Variants in SLC39A11 observed in about 807,000 individuals in gnomAD.
SLC39A11 encodes solute carrier family 39 member 11.
In SLC39A11, 33 loss-of-function variants were observed where a neutral mutation model predicts 36.1. The ratio of observed to expected loss-of-function variants is 0.91; its 90% CI spans 0.69 to 1.22. The LOEUF (loss-of-function observed/expected upper bound fraction) is 1.22, where lower values mean the gene tolerates loss of function less well. SLC39A11 is among the 50% of genes most tolerant of loss of function. The pLI is 0.00. For synonymous variants in SLC39A11, 166 were observed against 170.3 expected, an observed-to-expected ratio of 0.97 and a Z score of 0.20; for missense variants, 432 against 430.3, an observed-to-expected ratio of 1.00 and a Z score of -0.03.
At chr17:72,974,400 T>G (rs1269298919) in intron 4 of SLC39A11, among the ~76,000 whole-genome samples, 1 of 137,148 alleles carries the variant, frequency 7.3e-6, no homozygotes, top group Admixed American at 8.0e-5. Flanking sequence ...ACACCCGGCC[T>G]AATGTTTGCA....
chr17:72,653,701 A>T (rs2069975793), intron 7 of SLC39A11, among the ~76,000 whole-genome samples: 1 of 152,122 alleles, frequency 6.6e-6, no homozygotes, highest in African/African-American at 2.4e-5. Context: ...CGGCCTCCCA[A>T]AGTGCGGGAT....
chr17:72,909,738 T>C (rs1054218717), intron 5 of SLC39A11, among the ~76,000 whole-genome samples: 43 of 99,414 alleles, frequency 4.3e-4, no homozygotes, highest in East Asian at 2.5e-3. Flanking sequence ...TTCTTTCTTT[T>C]TTTTCTTTTT....
chr17:72,945,220 C>T (rs989161563), intron 5 of SLC39A11, among the ~76,000 whole-genome samples: 11 of 152,186 alleles, frequency 7.2e-5, no homozygotes, highest in African/African-American at 2.2e-4. Context: ...CTCATAAATG[C>T]TTTTCCCAGC....
chr17:72,841,061 T>C (rs2078785150), intron 6 of SLC39A11, among the ~76,000 whole-genome samples: 1 of 151,776 alleles, frequency 6.6e-6, no homozygotes, highest in African/African-American at 2.4e-5. Context: ...TCTCAAAAAA[T>C]AAAAAATAAA....
intron 6 of SLC39A11, among the ~76,000 whole-genome samples, chr17:72,791,221 G>C (rs561191048): frequency 6.6e-6 from 1 of 152,168 alleles, no homozygotes; most frequent in Non-Finnish European, 1.5e-5. Context: ...TCGGGAGGCC[G>C]AGGTGGGCAG....
chr17:72,923,371 C>T (rs2083817325), intron 5 of SLC39A11, among the ~76,000 whole-genome samples: 1 of 152,100 alleles, frequency 6.6e-6, no homozygotes, highest in African/African-American at 2.4e-5. Context: ...CTCAGAATTA[C>T]AATGCATATG....
Position 73,023,165 on chromosome 17 carries a change from C to T in SLC39A11, c.306+8391G>A, listed in dbSNP as rs564627743. ...CAGGGAAGCGACCACTGGTTCAGAA[C>T]GCCCAGTGCCCAACTAACAGCTGAG... On this transcript the variant is annotated intron_variant, in intron 4 of 9. Coordinates refer to ENST00000255559, the MANE Select transcript of SLC39A11 (RefSeq NM_139177.4). Among the ~76,000 whole-genome samples, 17 of 152,160 alleles carry T rather than the reference C, an allele frequency of 1.1e-4. No individual in the cohort carries two copies. The East Asian group carries it at 2.5e-3, about 23-fold the overall frequency.
At chr17:72,689,268 A>G (rs1019747292) in intron 7 of SLC39A11, among the ~76,000 whole-genome samples, 10 of 152,220 alleles carry the variant, frequency 6.6e-5, no homozygotes, top group Non-Finnish European at 1.5e-4. Context: ...CAAGATAGGG[A>G]GGAGGATTTG....
At chr17:72,753,628 G>A (rs1364341895) in intron 6 of SLC39A11, among the ~76,000 whole-genome samples, 2 of 151,886 alleles carry the variant, frequency 1.3e-5, no homozygotes, top group Non-Finnish European at 2.9e-5. Context: ...ACTTACTTCA[G>A]TCCCTTTTTT....
At chr17:72,754,020 G>GTATATATATATATATATATGTA in intron 6 of SLC39A11, among the ~76,000 whole-genome samples, 1 of 108,354 alleles carries the variant, frequency 9.2e-6, no homozygotes, top group East Asian at 2.7e-4. Flanking sequence ...ATGTATATAT[G>GTATATATATATATATATATGTA]TATATATATA....
chr17:72,810,620 T>C (rs1598831305), intron 6 of SLC39A11, among the ~76,000 whole-genome samples: 2 of 152,202 alleles, frequency 1.3e-5, no homozygotes, highest in Admixed American at 6.5e-5. Context: ...TCAGGAATGC[T>C]TCTGAGTTGC....
intron 6 of SLC39A11, among the ~76,000 whole-genome samples, chr17:72,754,309 G>A (rs890758606): frequency 6.6e-6 from 1 of 151,956 alleles, no homozygotes; most frequent in South Asian, 2.1e-4. Flanking sequence ...GTGGGAAGGG[G>A]GTGAGGGATA....
At chr17:73,020,686 T>TTTC (rs2058315408) in intron 4 of SLC39A11, among the ~76,000 whole-genome samples, 1 of 119,576 alleles carries the variant, frequency 8.4e-6, no homozygotes. Flanking sequence ...CTTTCTTTTT[T>TTTC]TTTTTTTTTT....
chr17:72,863,289 C>T (rs2080135800), intron 5 of SLC39A11, among the ~76,000 whole-genome samples: 1 of 152,148 alleles, frequency 6.6e-6, no homozygotes, highest in Non-Finnish European at 1.5e-5. Context: ...CTTGGAATCT[C>T]TTTTAGGATG....
At chr17:72,763,693 C>A (rs2144587080) in intron 6 of SLC39A11, among the ~76,000 whole-genome samples, 1 of 152,306 alleles carries the variant, frequency 6.6e-6, no homozygotes, top group African/African-American at 2.4e-5. Flanking sequence ...TTATCGAGCA[C>A]CTCCTCTGTA....
intron 3 of SLC39A11, among the ~76,000 whole-genome samples, chr17:73,037,480 A>T (rs908172215): frequency 6.6e-6 from 1 of 152,240 alleles, no homozygotes; most frequent in Non-Finnish European, 1.5e-5. Context: ...GCCACAGAGG[A>T]GAAGGTGCTG....
intron 6 of SLC39A11, among the ~76,000 whole-genome samples, chr17:72,820,625 G>T (rs887136115): frequency 1.1e-4 from 17 of 151,314 alleles, no homozygotes; most frequent in African/African-American, 4.1e-4. Context: ...TATGGAACAG[G>T]GTTGGGGGCA....
chr17:73,086,585 C>A (rs1030162937), intron 2 of SLC39A11, among the ~76,000 whole-genome samples: 2 of 152,120 alleles, frequency 1.3e-5, no homozygotes, highest in Non-Finnish European at 2.9e-5. Context: ...TCTGGGAGGC[C>A]GAGGCAGGCA....
intron 5 of SLC39A11, among the ~76,000 whole-genome samples, chr17:72,933,330 T>A (rs372661205): frequency 4.6e-5 from 7 of 152,220 alleles, no homozygotes; most frequent in Admixed American, 2.0e-4. Context: ...AATAGTACCA[T>A]AAAACACTTA....
Sources: gnomAD v4.1 joint callset for allele counts (sites outside exome capture counted in the v4.1 genomes callset) on GRCh38, gnomAD v4.1.1 for gene constraint, MANE v1.5 for transcripts, NCBI Gene and HGNC (gene_info 2026-07-23, HGNC 2026-07-21) for gene names.